The following HPSE2 variants were observed in gnomAD, a reference collection of about 807,000 sequenced individuals.
HPSE2 encodes inactive heparanase-2.
Under a neutral mutation model 60.5 loss-of-function variants are expected in HPSE2, and 38 were observed. That is an observed-to-expected ratio of 0.63 (90% CI 0.48 to 0.82). HPSE2 has a LOEUF of 0.82. HPSE2 is among the 40% of genes least tolerant of loss of function. The pLI is 0.00. For synonymous variants in HPSE2, 295 were observed against 293.2 expected, an observed-to-expected ratio of 1.01 and a Z score of -0.06; for missense variants, 713 against 740.4, an observed-to-expected ratio of 0.96 and a Z score of 0.43.
At chr10:98,543,037 A>C in intron 9 of HPSE2, among the ~76,000 whole-genome samples, 1 of 152,134 alleles carries the variant, frequency 6.6e-6, no homozygotes, top group Non-Finnish European at 1.5e-5. Context: ...CAGATTCACC[A>C]AAGTTGAAAT....
At chr10:98,639,908 T>C (rs765682762) in intron 7 of HPSE2, among the ~76,000 whole-genome samples, 2 of 152,212 alleles carry the variant, frequency 1.3e-5, no homozygotes, top group Non-Finnish European at 2.9e-5. Flanking sequence ...GCCAAAACTA[T>C]AGGAACTTGA....
chr10:98,806,931 CAGG>C (rs1157745110), intron 3 of HPSE2, among the ~76,000 whole-genome samples: 2 of 152,114 alleles, frequency 1.3e-5, no homozygotes, highest in African/African-American at 4.8e-5. Flanking sequence ...ATCACGAGGT[CAGG>C]AGTTCGAGAC....
chr10:99,037,434 T>C (rs1003020769), intron 3 of HPSE2, among the ~76,000 whole-genome samples: 1 of 152,100 alleles, frequency 6.6e-6, no homozygotes, highest in Non-Finnish European at 1.5e-5. Flanking sequence ...TCTTAGCAAC[T>C]CTAAGTATAA....
At chr10:99,292,047 A>G in the HPSE2 span, among the ~76,000 whole-genome samples, 1 of 152,208 alleles carries the variant, frequency 6.6e-6, no homozygotes, top group African/African-American at 2.4e-5. Flanking sequence ...AAAACTAGAA[A>G]CCAGAGGGGG....
At chr10:99,274,896 G>A in the HPSE2 span, among the ~76,000 whole-genome samples, 36 of 152,350 alleles carry the variant, frequency 2.4e-4, no homozygotes, top group African/African-American at 7.2e-4. Flanking sequence ...AGACTTAGCT[G>A]TCTCACTTAC....
At chr10:99,103,750 T>A (rs1373314194) in intron 3 of HPSE2, among the ~76,000 whole-genome samples, 1 of 152,068 alleles carries the variant, frequency 6.6e-6, no homozygotes, top group Non-Finnish European at 1.5e-5. Context: ...AAGGCTACAG[T>A]AACCAAAACA....
chr10:99,127,851 A>G (rs964330562), intron 3 of HPSE2, among the ~76,000 whole-genome samples: 12 of 152,244 alleles, frequency 7.9e-5, no homozygotes, highest in Non-Finnish European at 1.5e-4. Flanking sequence ...GCCTCCTGAA[A>G]CAAAATAATT....
At chr10:99,029,070 G>A (rs1564748727) in intron 3 of HPSE2, among the ~76,000 whole-genome samples, 1 of 152,128 alleles carries the variant, frequency 6.6e-6, no homozygotes, top group East Asian at 1.9e-4. Flanking sequence ...CATTGGTCTG[G>A]GCAAAGATTT....
chr10:99,071,164 G>C (rs1011704011), intron 3 of HPSE2, among the ~76,000 whole-genome samples: 2 of 150,706 alleles, frequency 1.3e-5, no homozygotes, highest in African/African-American at 4.9e-5. Context: ...CTGCCTCCCA[G>C]GTTCAAGCGA....
At chr10:98,880,821 C>T (rs1445724308) in intron 3 of HPSE2, among the ~76,000 whole-genome samples, 4 of 152,000 alleles carry the variant, frequency 2.6e-5, no homozygotes, top group Middle Eastern at 3.4e-3. Context: ...TTGTTAAAAA[C>T]AAAGAAGCAA....
intron 3 of HPSE2, among the ~76,000 whole-genome samples, chr10:98,816,501 T>C (rs1218556988): frequency 1.3e-5 from 2 of 152,196 alleles, no homozygotes. Flanking sequence ...ATGAGGTAAC[T>C]AAGGCTAAGG....
intron 9 of HPSE2, among the ~76,000 whole-genome samples, chr10:98,511,514 G>A (rs994615315): frequency 5.3e-5 from 8 of 151,108 alleles, no homozygotes; most frequent in Admixed American, 1.3e-4. Flanking sequence ...ATTCCACTAT[G>A]TACACAGGTA....
chr10:99,272,880 A>G, the HPSE2 span, among the ~76,000 whole-genome samples: 1 of 152,230 alleles, frequency 6.6e-6, no homozygotes, highest in Non-Finnish European at 1.5e-5. Flanking sequence ...TTAAAGAACT[A>G]AAAGAAGAAC....
intron 6 of HPSE2, among the ~76,000 whole-genome samples, chr10:98,679,983 C>T (rs895179998): frequency 6.6e-6 from 1 of 152,126 alleles, no homozygotes; most frequent in African/African-American, 2.4e-5. Context: ...CCATGTTATT[C>T]TGTTTTCCAA....
At chr10:98,978,634 G>A (rs1956140023) in intron 3 of HPSE2, among the ~76,000 whole-genome samples, 1 of 152,012 alleles carries the variant, frequency 6.6e-6, no homozygotes, top group Admixed American at 6.6e-5. Context: ...TCTTTACGTA[G>A]GTATTCTGAG....
intron 6 of HPSE2, among the ~76,000 whole-genome samples, chr10:98,690,398 T>G (rs1676004): frequency 6.6e-6 from 1 of 151,586 alleles, no homozygotes; most frequent in Non-Finnish European, 1.5e-5. Context: ...AAAATTAGCC[T>G]GGCGTGGTGG....
At chr10:98,501,771 T>C (rs1283381440) in intron 9 of HPSE2, among the ~76,000 whole-genome samples, 2 of 152,182 alleles carry the variant, frequency 1.3e-5, no homozygotes, top group African/African-American at 4.8e-5. Context: ...TGTGTGCTGA[T>C]GATATGATCG....
chr10:98,789,499 A>C (rs1040376487), intron 3 of HPSE2, among the ~76,000 whole-genome samples: 3 of 152,238 alleles, frequency 2.0e-5, no homozygotes, highest in African/African-American at 7.2e-5. Flanking sequence ...GAAATACCTC[A>C]GCCAAACTGG....
At chr10:98,734,883 T>C (rs886436802) in intron 4 of HPSE2, among the ~76,000 whole-genome samples, 1 of 90,462 alleles carries the variant, frequency 1.1e-5, no homozygotes, top group Admixed American at 1.3e-4. Flanking sequence ...ATATAATTTG[T>C]CCCTTACACA....
Sources: allele counts gnomAD v4.1 joint callset (sites outside exome capture counted in the v4.1 genomes callset), GRCh38; gene constraint gnomAD v4.1.1; transcripts MANE v1.5; gene names NCBI Gene and HGNC (gene_info 2026-07-23, HGNC 2026-07-21).